The following PRKN variants were observed in gnomAD, a reference collection of about 807,000 sequenced individuals.
PRKN encodes the protein E3 ubiquitin-protein ligase parkin.
Under a neutral mutation model 59.5 loss-of-function variants are expected in PRKN, and 56 were observed. That is an observed-to-expected ratio of 0.94 (90% confidence interval 0.76 to 1.18). The LOEUF (loss-of-function observed/expected upper bound fraction) is 1.18. PRKN is among the 50% of genes most tolerant of loss of function. PRKN has a pLI of 0.00. For synonymous variants in PRKN, 250 were observed against 222.1 expected, an observed-to-expected ratio of 1.13 and a Z score of -1.12; for missense variants, 657 against 596.4, an observed-to-expected ratio of 1.10 and a Z score of -1.06.
chr6:162,066,232 G>A (rs563041184), intron 4 of PRKN, among the ~76,000 whole-genome samples: 7 of 152,246 alleles, frequency 4.6e-5, no homozygotes, highest in African/African-American at 1.4e-4. Flanking sequence ...TCCAGCATCT[G>A]TTGTGCCTGG....
intron 8 of PRKN, among the ~76,000 whole-genome samples, chr6:161,555,683 GAGACCTAA>G (rs1396355122): frequency 6.6e-6 from 1 of 152,134 alleles, no homozygotes; most frequent in Non-Finnish European, 1.5e-5. Context: ...GTGAGTGCAT[GAGACCTAA>G]AGTGCTCCAA....
chr6:162,055,400 T>G (rs1052512382), intron 4 of PRKN, among the ~76,000 whole-genome samples: 1 of 152,128 alleles, frequency 6.6e-6, no homozygotes, highest in Non-Finnish European at 1.5e-5. Context: ...TGGGAAAAAG[T>G]GGCTTGGGGA....
intron 2 of PRKN, among the ~76,000 whole-genome samples, chr6:162,430,158 TGAC>T (rs35797400): frequency 3.5e-5 from 5 of 144,068 alleles, no homozygotes; most frequent in South Asian, 4.4e-4. Context: ...ATGATGACGA[TGAC>T]GACGACGACG....
At chr6:162,285,456 T>C (rs1781144624) in intron 2 of PRKN, among the ~76,000 whole-genome samples, 1 of 151,894 alleles carries the variant, frequency 6.6e-6, no homozygotes, top group Admixed American at 6.6e-5. Flanking sequence ...TAAAGAAATG[T>C]AGGATGACAT....
intron 4 of PRKN, among the ~76,000 whole-genome samples, chr6:162,190,617 A>G (rs1360379694): frequency 1.3e-5 from 2 of 152,298 alleles, no homozygotes; most frequent in East Asian, 1.9e-4. Flanking sequence ...CCCAGATGGA[A>G]GAGCATGCAC....
intron 7 of PRKN, among the ~76,000 whole-genome samples, chr6:161,717,070 T>C (rs764587992): frequency 9.9e-5 from 15 of 152,204 alleles, no homozygotes; most frequent in Admixed American, 3.9e-4. Flanking sequence ...TATGTTCTAC[T>C]AGGGACAGAT....
intron 9 of PRKN, among the ~76,000 whole-genome samples, chr6:161,438,037 A>G (rs887921299): frequency 6.6e-6 from 1 of 152,088 alleles, no homozygotes; most frequent in Non-Finnish European, 1.5e-5. Flanking sequence ...TGTGAGTCGT[A>G]CTAAGTCAGG....
intron 10 of PRKN, among the ~76,000 whole-genome samples, chr6:161,384,546 A>T (rs913084038): frequency 1.3e-5 from 2 of 152,210 alleles, no homozygotes; most frequent in Non-Finnish European, 2.9e-5. Flanking sequence ...CTGGTTCAAA[A>T]AAAATGAAAT....
intron 7 of PRKN, among the ~76,000 whole-genome samples, chr6:161,773,453 A>G (rs531389416): frequency 4.1e-4 from 63 of 151,870 alleles, no homozygotes; most frequent in African/African-American, 1.3e-3. Context: ...TCTATCATCT[A>G]TCTATCTATT....
chr6:162,067,301 T>C (rs1035218043), intron 4 of PRKN, among the ~76,000 whole-genome samples: 98 of 152,206 alleles, frequency 6.4e-4, no homozygotes, highest in Non-Finnish European at 1.2e-3. Context: ...ATGGTCATTA[T>C]TATTACAATT....
rs2115142728 is a variant in PRKN at position 161,456,113 on chromosome 6, G to C, written c.1084-69236C>G. On this transcript the variant is annotated intron_variant, in intron 9 of 11. Coordinates refer to ENST00000366898, the MANE Select transcript of PRKN (RefSeq NM_004562.3). The surrounding 1 kb of genome is among the most constrained non-coding windows in gnomAD (Gnocchi z 4.8). Reference sequence around the variant, plus strand: ...GAGTGTCAACTTGATTGGATTGAAGGACGCAAAGTATTGTTCCTGGGTGTG... The same window carrying C: ...GAGTGTCAACTTGATTGGATTGAAGCACGCAAAGTATTGTTCCTGGGTGTG... Among the ~76,000 whole-genome samples, 1 of 152,282 alleles carries C rather than the reference G, an allele frequency of 6.6e-6. No individual in the cohort carries two copies. The highest frequency in any genetic ancestry group is 2.1e-4 in the South Asian group (1 of 4,830).
rs1248111557 is a variant in PRKN at position 161,470,364 on chromosome 6, T to G, written c.1083+78490A>C. 6.6e-6 allele frequency among the ~76,000 whole-genome samples: 1 copy of G among 152,194 alleles called. No homozygotes were observed. Among genetic ancestry groups the G allele is most frequent in the Non-Finnish European group, 1.5e-5 (1 of 68,038 alleles). On this transcript the variant is annotated intron_variant, in intron 9 of 11. Coordinates refer to ENST00000366898, the MANE Select transcript of PRKN (RefSeq NM_004562.3). The surrounding 1 kb of genome is among the most constrained non-coding windows in gnomAD (Gnocchi z 5.1). ...TACCCAGTGCTCATCACTCTTCTGC[T>G]GGAGCTGGGAGTGGTGGAAGACCTG...
chr6:161,931,627 G>A (rs1213559064), intron 6 of PRKN, among the ~76,000 whole-genome samples: 1 of 152,144 alleles, frequency 6.6e-6, no homozygotes, highest in Non-Finnish European at 1.5e-5. Flanking sequence ...AACAAAAATT[G>A]TCCTGAGAAA....
At chr6:162,629,173 A>G (rs1167471549) in intron 1 of PRKN, among the ~76,000 whole-genome samples, 1 of 152,146 alleles carries the variant, frequency 6.6e-6, no homozygotes, top group Admixed American at 6.5e-5. Context: ...AAAATATCCC[A>G]AAGTGTTGAG....
At chr6:161,727,026 T>C (rs181493736) in intron 7 of PRKN, among the ~76,000 whole-genome samples, 169 of 152,290 alleles carry the variant, frequency 1.1e-3, no homozygotes, top group South Asian at 3.9e-3. Context: ...TTCCCCTGCC[T>C]GTAGTGTCTG....
rs371430836 is a variant in PRKN at position 162,321,353 on chromosome 6, CTT to C, written c.172-58590_172-58589del. Among the ~76,000 whole-genome samples, 7 of 151,972 alleles carry C rather than the reference CTT, an allele frequency of 4.6e-5. No individual in the cohort carries two copies. The South Asian group carries it at 1.5e-3, about 32-fold the overall frequency. ...AGAGAGAAAAGAAAACTTGAATAGA[CTT>C]ATGTCTATTGAAGAAACTGATACTG... On this transcript the variant is annotated intron_variant, in intron 2 of 11. Coordinates refer to ENST00000366898, the MANE Select transcript of PRKN (RefSeq NM_004562.3).
chr6:162,546,684 T>A (rs1779129462), intron 1 of PRKN, among the ~76,000 whole-genome samples: 1 of 152,088 alleles, frequency 6.6e-6, no homozygotes, highest in Admixed American at 6.6e-5. Flanking sequence ...CCTCAGGTGA[T>A]CCACCCTCCT....
At chr6:162,527,907 G>A (rs1661879238) in intron 1 of PRKN, among the ~76,000 whole-genome samples, 1 of 152,070 alleles carries the variant, frequency 6.6e-6, no homozygotes, top group African/African-American at 2.4e-5. Flanking sequence ...GGCTGGTTCT[G>A]CTGGATCCAG....
At chr6:161,603,619 G>A (rs1782179052) in intron 7 of PRKN, among the ~76,000 whole-genome samples, 1 of 152,098 alleles carries the variant, frequency 6.6e-6, no homozygotes, top group African/African-American at 2.4e-5. Context: ...TCTCTTACCT[G>A]ACTTTTATCT....
Sources: gnomAD v4.1 joint callset for allele counts (sites outside exome capture counted in the v4.1 genomes callset) on GRCh38, gnomAD v4.1.1 for gene constraint, Gnocchi (gnomAD v3.1) non-coding constraint, MANE v1.5 for transcripts, NCBI Gene and HGNC (gene_info 2026-07-23, HGNC 2026-07-21) for gene names.